Variants in SHISA6 observed in about 807,000 individuals in gnomAD.
The protein encoded by SHISA6 is protein shisa-6.
In SHISA6, 22 loss-of-function variants were observed where a neutral mutation model predicts 47.9. The ratio of observed to expected loss-of-function variants is 0.46; its 90% confidence interval spans 0.33 to 0.66. The LOEUF is 0.66. Among genes scored for constraint, SHISA6 ranks in the 30% least tolerant of loss-of-function variants. The pLI, the probability that SHISA6 is intolerant of heterozygous loss-of-function variation, is 0.02. For synonymous variants in SHISA6, 388 were observed against 337.8 expected, an observed-to-expected ratio of 1.15 and a Z score of -1.63; for missense variants, 680 against 764.6, an observed-to-expected ratio of 0.89 and a Z score of 1.30.
At chr17:11,450,042 G>A (rs1225443382) in intron 3 of SHISA6, among the ~76,000 whole-genome samples, 1 of 152,100 alleles carries the variant, frequency 6.6e-6, no homozygotes, top group East Asian at 2.0e-4. Flanking sequence ...CCGCCACCAC[G>A]CCTGGTTAAT....
chr17:11,423,787 C>A (rs1304716509), intron 3 of SHISA6, among the ~76,000 whole-genome samples: 2 of 150,454 alleles, frequency 1.3e-5, no homozygotes, highest in Admixed American at 1.3e-4. Context: ...AATTGTAATT[C>A]AATAAAAATG....
chr17:11,269,685 G>C (rs1407114016), intron 2 of SHISA6, among the ~76,000 whole-genome samples: 1 of 152,164 alleles, frequency 6.6e-6, no homozygotes, highest in Non-Finnish European at 1.5e-5. Flanking sequence ...CAAAGAAACA[G>C]AACTGTTGTT....
At chr17:11,528,591 T>A (rs562011585) in intron 3 of SHISA6, among the ~76,000 whole-genome samples, 1 of 152,236 alleles carries the variant, frequency 6.6e-6, no homozygotes, top group Admixed American at 6.5e-5. Context: ...TGAATTATGG[T>A]CCACAGAGAA....
intron 3 of SHISA6, among the ~76,000 whole-genome samples, chr17:11,491,770 G>GTTTTT (rs1297841489): frequency 7.4e-6 from 1 of 135,264 alleles, no homozygotes; most frequent in Admixed American, 7.4e-5. Context: ...CTGGTGAAGT[G>GTTTTT]TTTTTTTTTT....
At chr17:11,408,257 A>G (rs1477116972) in intron 3 of SHISA6, among the ~76,000 whole-genome samples, 2 of 152,234 alleles carry the variant, frequency 1.3e-5, no homozygotes, top group Non-Finnish European at 2.9e-5. Flanking sequence ...AAATAAAAGT[A>G]GTATCAGTAT....
At chr17:11,462,112 G>A (rs1915707137) in intron 3 of SHISA6, among the ~76,000 whole-genome samples, 1 of 152,150 alleles carries the variant, frequency 6.6e-6, no homozygotes, top group Admixed American at 6.5e-5. Context: ...GAGAAAACAA[G>A]TTAGAAAAAT....
intron 3 of SHISA6, among the ~76,000 whole-genome samples, chr17:11,549,424 G>T (rs1015389020): frequency 1.5e-5 from 2 of 136,788 alleles, no homozygotes; most frequent in African/African-American, 5.1e-5. Context: ...GACTTCATCT[G>T]TTAAAAAAAT....
intron 2 of SHISA6, among the ~76,000 whole-genome samples, chr17:11,264,316 T>C (rs1451140146): frequency 6.6e-6 from 1 of 152,244 alleles, no homozygotes. Context: ...AGTACTTATA[T>C]TATCCCCATT....
chr17:11,451,753 A>AT (rs1915408299), intron 3 of SHISA6, among the ~76,000 whole-genome samples: 1 of 152,330 alleles, frequency 6.6e-6, no homozygotes, highest in East Asian at 1.9e-4. Flanking sequence ...GTGAGGCACA[A>AT]TATAAGAAAG....
intron 3 of SHISA6, among the ~76,000 whole-genome samples, chr17:11,549,625 T>G (rs753174146): frequency 1.3e-5 from 2 of 152,174 alleles, no homozygotes; most frequent in Non-Finnish European, 2.9e-5. Context: ...CAGCAATTAT[T>G]AAGTGAATCT....
At chr17:11,284,262 C>T (rs749550686) in intron 2 of SHISA6, among the ~76,000 whole-genome samples, 2 of 152,204 alleles carry the variant, frequency 1.3e-5, no homozygotes, top group South Asian at 4.2e-4. Context: ...TCAAAAGTCC[C>T]AAAGTAGGCA....
chr17:11,374,926 G>C (rs577319472), intron 2 of SHISA6, among the ~76,000 whole-genome samples: 1 of 152,180 alleles, frequency 6.6e-6, no homozygotes, highest in South Asian at 2.1e-4. Context: ...CAGACACACA[G>C]AGGTTTGAAT....
chr17:11,511,984 CT>C (rs1364048629), intron 3 of SHISA6, among the ~76,000 whole-genome samples: 3 of 152,204 alleles, frequency 2.0e-5, no homozygotes, highest in Non-Finnish European at 4.4e-5. Flanking sequence ...TCTAGTGCCA[CT>C]TTTTCAGCAC....
Position 11,557,744 on chromosome 17 carries a change from T to TC in SHISA6, c.1106-6dup, listed in dbSNP as rs1224377157. Reference sequence around the variant, plus strand: ...CAGTTGCCTTCTCTCACTCTGTCTCTCCCCTGCAGCCGACAAGGAGGCTGA... The same window carrying TC: ...CAGTTGCCTTCTCTCACTCTGTCTCTCCCCCTGCAGCCGACAAGGAGGCTGA... On this transcript the variant is annotated splice_polypyrimidine_tract_variant and intron_variant, in intron 5 of 5. Coordinates refer to ENST00000441885, the MANE Select transcript of SHISA6 (RefSeq NM_207386.4). The TC allele has an allele frequency of 9.9e-5, 151 of 1,529,050 alleles. No homozygotes were observed. The highest frequency in any genetic ancestry group is 1.3e-4 in the Non-Finnish European group (147 of 1,135,016). 94.7% of individuals were successfully genotyped at this position (1,529,050 alleles called of 1,614,324 possible).
chr17:11,468,075 C>T (rs1480918489), intron 3 of SHISA6, among the ~76,000 whole-genome samples: 1 of 152,036 alleles, frequency 6.6e-6, no homozygotes, highest in Non-Finnish European at 1.5e-5. Flanking sequence ...AATTCAACAA[C>T]TTCAGGGAGG....
intron 3 of SHISA6, among the ~76,000 whole-genome samples, chr17:11,477,274 T>C (rs1916073903): frequency 6.6e-6 from 1 of 152,148 alleles, no homozygotes; most frequent in East Asian, 1.9e-4. Flanking sequence ...ATTACTGATA[T>C]AGTTGGATTA....
At chr17:11,313,856 A>T (rs985387258) in intron 2 of SHISA6, among the ~76,000 whole-genome samples, 8 of 152,144 alleles carry the variant, frequency 5.3e-5, no homozygotes, top group African/African-American at 1.9e-4. Context: ...GGAGAGAGAG[A>T]GAGAGAAGGA....
chr17:11,455,189 C>CAA (rs764759917), intron 3 of SHISA6, among the ~76,000 whole-genome samples: 1 of 150,794 alleles, frequency 6.6e-6, no homozygotes, highest in Non-Finnish European at 1.5e-5. Context: ...AACAAACAAA[C>CAA]AAACAAAAAA....
At chr17:11,313,194 C>T (rs913777768) in intron 2 of SHISA6, among the ~76,000 whole-genome samples, 1 of 152,206 alleles carries the variant, frequency 6.6e-6, no homozygotes, top group African/African-American at 2.4e-5. Context: ...TCTGGTAGTG[C>T]ACCTCTCTCT....
Sources: allele counts gnomAD v4.1 joint callset (sites outside exome capture counted in the v4.1 genomes callset), GRCh38; gene constraint gnomAD v4.1.1; transcripts MANE v1.5; gene names NCBI Gene and HGNC (gene_info 2026-07-23, HGNC 2026-07-21).